The following BRCA1 variants were observed in gnomAD, a reference collection of about 807,000 sequenced individuals.
BRCA1 encodes breast cancer type 1 susceptibility protein.
BRCA1 carries 140 observed loss-of-function variants against 173.7 expected under a neutral mutation model. The ratio of observed to expected loss-of-function variants is 0.81; its 90% CI spans 0.70 to 0.93. The LOEUF is 0.93. Ranked by LOEUF, BRCA1 falls within the 40% of genes least tolerant of loss-of-function variation. The probability of loss-of-function intolerance (pLI) is 0.00; values close to 1 mark genes in which losing one functional copy is unlikely to be tolerated. For synonymous variants in BRCA1, 662 were observed against 756.0 expected, an observed-to-expected ratio of 0.88 and a Z score of 2.04; for missense variants, 1,983 against 2,172.5, an observed-to-expected ratio of 0.91 and a Z score of 1.73.
chr17:43,119,251 T>G (rs2055436807), intron 2 of BRCA1: 1 of 207,504 alleles, frequency 4.8e-6, no homozygotes, highest in African/African-American at 2.4e-5. Context: ...CCAGCCTGGG[T>G]GACAGAGAAT....
chr17:43,046,778 A>G (rs1331924390), intron 22 of BRCA1, among the ~76,000 whole-genome samples: 1 of 151,450 alleles, frequency 6.6e-6, no homozygotes, highest in African/African-American at 2.4e-5. Flanking sequence ...AAAAAAGGCA[A>G]TGCTTCAGGA....
intron 13 of BRCA1, among the ~76,000 whole-genome samples, chr17:43,074,966 A>G: frequency 6.6e-6 from 1 of 151,558 alleles, no homozygotes; most frequent in East Asian, 1.9e-4. Context: ...AAGGAAAGAA[A>G]GAAAAGAAAA....
At chr17:43,158,190 ACT>A (rs1307799567) in intron 1 of BRCA1, among the ~76,000 whole-genome samples, 2 of 152,046 alleles carry the variant, frequency 1.3e-5, no homozygotes, top group African/African-American at 4.8e-5. Context: ...TATTTTTATG[ACT>A]CTGTCCCATG....
At chr17:43,110,527 A>G in intron 3 of BRCA1, 1 of 444,802 alleles carries the variant, frequency 2.2e-6, no homozygotes, top group South Asian at 1.6e-5. Flanking sequence ...TCAAGGCAAC[A>G]GTAAGCCTCA....
intron 8 of BRCA1, among the ~76,000 whole-genome samples, chr17:43,096,125 C>A (rs964692207): frequency 6.6e-6 from 1 of 151,992 alleles, no homozygotes; most frequent in East Asian, 1.9e-4. Context: ...GCCTGTAATT[C>A]CAGCACTTTG....
chr17:43,050,003 C>G (rs2051140009), intron 20 of BRCA1: 2 of 398,340 alleles, frequency 5.0e-6, no homozygotes, highest in Non-Finnish European at 4.4e-6. Context: ...TTGAGTGGAA[C>G]TTGGAAATTT....
At chr17:43,169,995 A>C (rs955720366) in intron 1 of BRCA1, 1 of 466,002 alleles carries the variant, frequency 2.1e-6, no homozygotes. Context: ...AAGGGCATTG[A>C]TCTTATCCTC....
At chr17:43,138,542 G>A in intron 1 of BRCA1, 2 of 670,952 alleles carry the variant, frequency 3.0e-6, no homozygotes, top group South Asian at 1.7e-5. Context: ...CCAAAAGTGG[G>A]TAGGGTGCCA....
intron 6 of BRCA1, among the ~76,000 whole-genome samples, chr17:43,100,643 TAAC>T (rs1476414525): frequency 0.036 from 2,194 of 60,996 alleles, 184 homozygotes; most frequent in Non-Finnish European, 0.052. Flanking sequence ...TATATATATA[TAAC>T]ATATATATAA....
chr17:43,049,674 T>C (rs1037833653), intron 20 of BRCA1, among the ~76,000 whole-genome samples: 1 of 152,120 alleles, frequency 6.6e-6, no homozygotes, highest in Non-Finnish European at 1.5e-5. Flanking sequence ...GTCAAAAAAA[T>C]ACATGTTATC....
intron 1 of BRCA1, chr17:43,166,276 C>T (rs1417663592): frequency 2.0e-5 from 3 of 151,490 alleles, no homozygotes; most frequent in Non-Finnish European, 4.4e-5. Flanking sequence ...CTGGTCTTTC[C>T]TTGCCTCTGC....
intron 15 of BRCA1, among the ~76,000 whole-genome samples, chr17:43,068,241 C>T (rs1413168582): frequency 1.3e-5 from 2 of 149,796 alleles, no homozygotes; most frequent in Non-Finnish European, 3.0e-5. Context: ...GGCGCCACTG[C>T]ACTCTAGCCT....
chr17:43,081,369 T>C (rs1431297912), intron 12 of BRCA1, among the ~76,000 whole-genome samples: 9 of 152,356 alleles, frequency 5.9e-5, no homozygotes, highest in Non-Finnish European at 1.3e-4. Context: ...TGTTTCTTCC[T>C]GAACACAAAA....
At chr17:43,063,729 G>T (rs2051895429) in intron 17 of BRCA1, 145 bp downstream of exon 17, 1 of 701,880 alleles carries the variant, frequency 1.4e-6, no homozygotes, top group African/African-American at 1.8e-5. Context: ...TGATATTAAA[G>T]ATAAAAGTAG....
At chr17:43,056,653 A>C (rs1318577921) in intron 19 of BRCA1, among the ~76,000 whole-genome samples, 1 of 151,658 alleles carries the variant, frequency 6.6e-6, no homozygotes, top group Non-Finnish European at 1.5e-5. Context: ...GGCCTGGGCA[A>C]TGGAGTGAGA....
At chr17:43,136,738 C>G (rs990347902) in intron 1 of BRCA1, among the ~76,000 whole-genome samples, 1 of 152,148 alleles carries the variant, frequency 6.6e-6, no homozygotes, top group African/African-American at 2.4e-5. Context: ...CAATGAGATA[C>G]CATCTCACAC....
Position 43,044,804 on chromosome 17 carries a change from C to CTTTTTTTTTTTTTTTTTTTTTTTTTTTTT in BRCA1, c.*873_*874insAAAAAAAAAAAAAAAAAAAAAAAAAAAAA. ...AGAAATCTCTTCTAGTTTCATTTTC[C>CTTTTTTTTTTTTTTTTTTTTTTTTTTTTT]TTTTTTTTTTTTTTTTTTTGAGCCA... On this transcript the variant is annotated 3_prime_UTR_variant, in exon 23 of 23. Transcript: ENST00000357654. 1 of 380,208 alleles carries CTTTTTTTTTTTTTTTTTTTTTTTTTTTTT rather than the reference C, an allele frequency of 2.6e-6. No individual in the cohort carries two copies. 23.6% of individuals were successfully genotyped at this position (380,208 alleles called of 1,614,324 possible). A position where few individuals can be genotyped will look rare whatever the true frequency, so the allele number is the denominator to read the frequency against.
chr17:43,158,989 A>G (rs2056215375), intron 1 of BRCA1, among the ~76,000 whole-genome samples: 1 of 152,234 alleles, frequency 6.6e-6, no homozygotes, highest in Non-Finnish European at 1.5e-5. Flanking sequence ...TAATCCCAGC[A>G]CTTTGAGAGG....
chr17:43,099,925 C>T (rs2154530273), intron 6 of BRCA1, 45 bp from the exon 7 acceptor site: 1 of 1,441,460 alleles, frequency 6.9e-7, no homozygotes, highest in Non-Finnish European at 9.8e-7. Flanking sequence ...TTGGCCAGTT[C>T]TGTGCTTTTC....
Sources: gnomAD v4.1 joint callset for allele counts (sites outside exome capture counted in the v4.1 genomes callset) on GRCh38, gnomAD v4.1.1 for gene constraint, MANE v1.5 for transcripts, NCBI Gene and HGNC (gene_info 2026-07-23, HGNC 2026-07-21) for gene names.